RASGRF2: variants seen among roughly 807,000 people sequenced by gnomAD.
RASGRF2 encodes the protein Ras protein specific guanine nucleotide releasing factor 2, also known as ras-specific guanine nucleotide-releasing factor 2.
Under a neutral mutation model 151.0 loss-of-function variants are expected in RASGRF2, and 76 were observed. The ratio of observed to expected loss-of-function variants is 0.50; its 90% confidence interval spans 0.42 to 0.61. The LOEUF (loss-of-function observed/expected upper bound fraction) is 0.61, where lower values mean the gene tolerates loss of function less well. Ranked by LOEUF, RASGRF2 falls within the 20% of genes least tolerant of loss-of-function variation. The pLI is 0.00. For synonymous variants in RASGRF2, 504 were observed against 566.5 expected, an observed-to-expected ratio of 0.89 and a Z score of 1.57; for missense variants, 1,148 against 1,564.6, an observed-to-expected ratio of 0.73 and a Z score of 4.49.
At chr5:81,181,160 A>T (rs1754908870) in intron 18 of RASGRF2, among the ~76,000 whole-genome samples, 2 of 152,198 alleles carry the variant, frequency 1.3e-5, no homozygotes, top group South Asian at 4.1e-4. Flanking sequence ...ATGGGTAGGT[A>T]TTCCCAGGTC....
At chr5:81,207,600 C>T (rs564536164) in intron 21 of RASGRF2, among the ~76,000 whole-genome samples, 33 of 152,166 alleles carry the variant, frequency 2.2e-4, no homozygotes, top group Non-Finnish European at 1.8e-4. Context: ...AGAGTAATTT[C>T]GAGTGTTTTT....
At chr5:81,114,940 G>GGTAC in intron 15 of RASGRF2, 1 of 152,306 alleles carries the variant, frequency 6.6e-6, no homozygotes, top group South Asian at 2.1e-4. Flanking sequence ...TTCTCAGCTT[G>GGTAC]GTACGGTGTA....
chr5:81,116,941 C>A (rs568688211), intron 15 of RASGRF2, among the ~76,000 whole-genome samples: 1 of 152,290 alleles, frequency 6.6e-6, no homozygotes, highest in Admixed American at 6.5e-5. Flanking sequence ...ATTTATCCAT[C>A]AATAGACATT....
At chr5:81,143,139 A>AT (rs1009154975) in intron 17 of RASGRF2, among the ~76,000 whole-genome samples, 8 of 150,922 alleles carry the variant, frequency 5.3e-5, no homozygotes, top group African/African-American at 2.0e-4. Flanking sequence ...GAAAATACAC[A>AT]TTTTTTATTT....
At chr5:81,216,039 A>T in intron 24 of RASGRF2, 84 bp downstream of exon 24, 1 of 1,238,718 alleles carries the variant, frequency 8.1e-7, no homozygotes, top group Non-Finnish European at 1.0e-6. Flanking sequence ...GTGACCTACC[A>T]CCTACTTTGC....
intron 18 of RASGRF2, among the ~76,000 whole-genome samples, chr5:81,199,897 CAAAAAAAAA>C (rs33924703): frequency 1.0e-5 from 1 of 95,478 alleles, no homozygotes; most frequent in Admixed American, 1.2e-4. Context: ...GACTCCATCT[CAAAAAAAAA>C]AAAAAAAAGA....
chr5:81,178,884 G>A (rs1470435039), intron 17 of RASGRF2, among the ~76,000 whole-genome samples: 4 of 152,168 alleles, frequency 2.6e-5, no homozygotes, highest in East Asian at 3.9e-4. Context: ...GACTACAGGC[G>A]CCCGCCACCA....
intron 4 of RASGRF2, 43 bp from the exon 5 acceptor site, chr5:81,073,156 C>T (rs1302771225): frequency 1.3e-6 from 2 of 1,567,234 alleles, no homozygotes; most frequent in Admixed American, 1.8e-5. Context: ...AATAAATCAC[C>T]ATTGTAACTA....
At chr5:81,127,690 G>C (rs1283496381) in intron 17 of RASGRF2, among the ~76,000 whole-genome samples, 1 of 151,794 alleles carries the variant, frequency 6.6e-6, no homozygotes, top group South Asian at 2.1e-4. Context: ...TTGGGAGGCC[G>C]AGGCAAGCGG....
chr5:81,052,353 T>A (rs1751039087), intron 2 of RASGRF2, among the ~76,000 whole-genome samples: 1 of 152,236 alleles, frequency 6.6e-6, no homozygotes, highest in Admixed American at 6.5e-5. Context: ...TATATTTAAT[T>A]GTGCTTTAGA....
intron 2 of RASGRF2, among the ~76,000 whole-genome samples, chr5:81,065,102 A>G (rs26900): frequency 0.3 from 45,504 of 151,984 alleles, 7,281 homozygotes; most frequent in Admixed American, 0.38. Flanking sequence ...TCAAGCCTCA[A>G]GATGATAATG....
chr5:81,214,880 T>C (rs1449002116), intron 23 of RASGRF2, among the ~76,000 whole-genome samples: 1 of 152,254 alleles, frequency 6.6e-6, no homozygotes, highest in Non-Finnish European at 1.5e-5. Flanking sequence ...TTATCAGTTA[T>C]ACTTCTCTAA....
intron 1 of RASGRF2, among the ~76,000 whole-genome samples, chr5:81,017,425 A>G (rs1319488262): frequency 2.6e-5 from 4 of 152,188 alleles, no homozygotes; most frequent in Non-Finnish European, 5.9e-5. Context: ...GGCCTGCTCA[A>G]TGCTGGTATG....
intron 1 of RASGRF2, among the ~76,000 whole-genome samples, chr5:80,995,284 G>A (rs933734268): frequency 6.7e-6 from 1 of 150,204 alleles, no homozygotes; most frequent in Non-Finnish European, 1.5e-5. Context: ...GTTTACTTAG[G>A]CCCCTTTGTG....
intron 1 of RASGRF2, among the ~76,000 whole-genome samples, chr5:80,986,813 A>G (rs1199565363): frequency 6.6e-6 from 1 of 152,156 alleles, no homozygotes. Flanking sequence ...CCACATTGCC[A>G]TGGCACCTGT....
chr5:81,116,411 A>G (rs936024781), intron 15 of RASGRF2, among the ~76,000 whole-genome samples: 2 of 152,148 alleles, frequency 1.3e-5, no homozygotes, highest in African/African-American at 4.8e-5. Context: ...AAGTATCACA[A>G]GCATCACTGC....
At chr5:81,060,897 T>C (rs1418839525) in intron 2 of RASGRF2, among the ~76,000 whole-genome samples, 2 of 152,210 alleles carry the variant, frequency 1.3e-5, no homozygotes, top group Non-Finnish European at 2.9e-5. Context: ...CTTTAAGTTT[T>C]GATGTATGTC....
intron 1 of RASGRF2, among the ~76,000 whole-genome samples, chr5:80,962,795 TC>T (rs1166164604): frequency 6.6e-6 from 1 of 152,248 alleles, no homozygotes; most frequent in African/African-American, 2.4e-5. Context: ...AGTTTGACTT[TC>T]ATGCCACTTT....
At chr5:80,992,991 CGAAA>C (rs1748702636) in intron 1 of RASGRF2, among the ~76,000 whole-genome samples, 1 of 152,086 alleles carries the variant, frequency 6.6e-6, no homozygotes, top group Non-Finnish European at 1.5e-5. Flanking sequence ...GGCTGAGACT[CGAAA>C]GAAACACCTC....
Sources: gnomAD v4.1 joint callset for allele counts (sites outside exome capture counted in the v4.1 genomes callset) on GRCh38, gnomAD v4.1.1 for gene constraint, MANE v1.5 for transcripts, NCBI Gene and HGNC (gene_info 2026-07-23, HGNC 2026-07-21) for gene names.